The following BANK1 variants were observed in gnomAD, a reference collection of about 807,000 sequenced individuals.
The protein encoded by BANK1 is B cell scaffold protein with ankyrin repeats 1, also known as B-cell scaffold protein with ankyrin repeats.
In BANK1, 95 loss-of-function variants were observed where a neutral mutation model predicts 94.5. The observed-to-expected ratio is 1.00, with a 90% CI of 0.85 to 1.19. BANK1 has a LOEUF of 1.19. Among genes scored for constraint, BANK1 ranks in the 50% most tolerant of loss-of-function variants. BANK1 has a pLI of 0.00. For missense variants in BANK1, 987 were observed against 932.2 expected (o/e 1.06, Z -0.77); for synonymous variants, 334 against 308.4 (o/e 1.08, Z -0.87).
At chr4:102,044,138 G>C (rs1727796049) in intron 11 of BANK1, among the ~76,000 whole-genome samples, 1 of 152,028 alleles carries the variant, frequency 6.6e-6, no homozygotes, top group Non-Finnish European at 1.5e-5. Flanking sequence ...CCACTAACTT[G>C]TCATCTAGCA....
intron 7 of BANK1, among the ~76,000 whole-genome samples, chr4:101,963,313 A>G (rs1724635542): frequency 6.6e-6 from 1 of 152,132 alleles, no homozygotes; most frequent in South Asian, 2.1e-4. Context: ...TAATATTTGT[A>G]TTTACCTGTA....
At chr4:102,026,579 A>G (rs564393602) in intron 9 of BANK1, among the ~76,000 whole-genome samples, 1 of 152,310 alleles carries the variant, frequency 6.6e-6, no homozygotes, top group South Asian at 2.1e-4. Context: ...CTGTAATCCC[A>G]GCACTTTGGG....
intron 7 of BANK1, among the ~76,000 whole-genome samples, chr4:101,968,998 C>T (rs1479202702): frequency 1.3e-5 from 2 of 151,980 alleles, no homozygotes; most frequent in Non-Finnish European, 2.9e-5. Context: ...TTTCAGAAAA[C>T]AAAGAATGCT....
chr4:101,924,756 G>T (rs962710666), intron 7 of BANK1, among the ~76,000 whole-genome samples: 1 of 151,728 alleles, frequency 6.6e-6, no homozygotes, highest in African/African-American at 2.4e-5. Flanking sequence ...TAGAGGTTTT[G>T]TAAAATGAAT....
intron 7 of BANK1, 36 bp downstream of exon 7, chr4:101,918,225 C>T (rs1373315185): frequency 7.1e-7 from 1 of 1,411,988 alleles, no homozygotes; most frequent in East Asian, 2.4e-5. Flanking sequence ...TCTGTATATT[C>T]TGTTTGATAT....
chr4:101,989,630 C>T (rs749761209), intron 7 of BANK1, among the ~76,000 whole-genome samples: 1 of 151,512 alleles, frequency 6.6e-6, no homozygotes, highest in Non-Finnish European at 1.5e-5. Context: ...CTCATTTCAT[C>T]TGGGACAGCT....
At chr4:101,843,607 C>T (rs1032079682) in intron 2 of BANK1, among the ~76,000 whole-genome samples, 2 of 152,078 alleles carry the variant, frequency 1.3e-5, no homozygotes, top group Admixed American at 6.6e-5. Flanking sequence ...ATTGTCTTTG[C>T]GTAATTTTCT....
chr4:101,977,076 T>A (rs1014445561), intron 7 of BANK1: 4 of 152,094 alleles, frequency 2.6e-5, no homozygotes, highest in Admixed American at 2.6e-4. Context: ...TTCCAAGAGA[T>A]GCTGTTTCAG....
chr4:102,036,856 A>C (rs942727864), intron 10 of BANK1: 3 of 152,206 alleles, frequency 2.0e-5, no homozygotes, highest in Non-Finnish European at 4.4e-5. Flanking sequence ...ATGTTGACGT[A>C]ATGACGATGA....
intron 7 of BANK1, among the ~76,000 whole-genome samples, chr4:101,932,718 G>T (rs959852283): frequency 1.1e-4 from 17 of 151,614 alleles, no homozygotes; most frequent in African/African-American, 3.9e-4. Flanking sequence ...AAGAAATATT[G>T]TGAGACCGCT....
intron 1 of BANK1, among the ~76,000 whole-genome samples, chr4:101,807,364 G>A (rs1189750755): frequency 2.0e-5 from 3 of 152,140 alleles, no homozygotes; most frequent in African/African-American, 7.2e-5. Context: ...TAAAATGGTT[G>A]AAAAAATTAT....
chr4:101,804,566 C>T (rs952675727), intron 1 of BANK1, among the ~76,000 whole-genome samples: 8 of 152,144 alleles, frequency 5.3e-5, no homozygotes, highest in Non-Finnish European at 1.0e-4. Context: ...TTGCTTGATA[C>T]ATACTGTAGA....
chr4:102,056,692 T>TA (rs1482138733), intron 11 of BANK1, among the ~76,000 whole-genome samples: 1 of 152,076 alleles, frequency 6.6e-6, no homozygotes, highest in African/African-American at 2.4e-5. Context: ...AATCATGTTC[T>TA]AAAATCACAA....
chr4:101,811,243 C>T (rs747736184), intron 1 of BANK1, among the ~76,000 whole-genome samples: 2 of 152,104 alleles, frequency 1.3e-5, no homozygotes, highest in Admixed American at 6.6e-5. Flanking sequence ...AAGTATTATT[C>T]TAATCTTTTT....
intron 3 of BANK1, among the ~76,000 whole-genome samples, chr4:101,856,316 G>A (rs566814517): frequency 2.6e-5 from 4 of 152,220 alleles, no homozygotes; most frequent in African/African-American, 7.2e-5. Context: ...CCCAGGAAAC[G>A]GAACTATACA....
intron 11 of BANK1, among the ~76,000 whole-genome samples, chr4:102,050,807 A>T (rs1236615158): frequency 1.0e-5 from 1 of 97,090 alleles, no homozygotes; most frequent in Non-Finnish European, 2.0e-5. Flanking sequence ...TCAGGTTATG[A>T]AAAAAATGAA....
rs546139293 is a variant in BANK1 at position 102,040,750 on chromosome 4, A to C, written c.1901-3089A>C. On this transcript the variant is annotated intron_variant, in intron 10 of 16. Coordinates refer to ENST00000322953, the MANE Select transcript of BANK1 (RefSeq NM_017935.5). ...ATTCCACTTAAATTCATACTCACTT[A>C]AGAATTTTTCCCAGCACCGTTGGAC... is the stretch of plus-strand genomic sequence containing the variant. 2.0e-5 allele frequency among the ~76,000 whole-genome samples: 3 copies of C among 152,178 alleles called. No homozygotes were observed. In the South Asian group the frequency reaches 6.2e-4, roughly 32 times the overall value.
intron 1 of BANK1, among the ~76,000 whole-genome samples, chr4:101,815,500 C>T (rs929602142): frequency 6.6e-6 from 1 of 151,924 alleles, no homozygotes; most frequent in African/African-American, 2.4e-5. Context: ...ATTATTTCTT[C>T]AAGAAATAAT....
intron 9 of BANK1, among the ~76,000 whole-genome samples, chr4:102,026,822 CAA>C (rs74429394): frequency 7.2e-4 from 43 of 59,722 alleles, no homozygotes; most frequent in Admixed American, 2.8e-3. Flanking sequence ...GACTCCATCT[CAA>C]AAAAAAAAAA....
Sources: gnomAD v4.1 joint callset for allele counts (sites outside exome capture counted in the v4.1 genomes callset) on GRCh38, gnomAD v4.1.1 for gene constraint, MANE v1.5 for transcripts, NCBI Gene and HGNC (gene_info 2026-07-23, HGNC 2026-07-21) for gene names.